The following PPP6C variants were observed in gnomAD, a reference collection of about 807,000 sequenced individuals.
PPP6C encodes the protein serine/threonine-protein phosphatase 6 catalytic subunit.
A neutral mutation model predicts 39.8 loss-of-function variants in PPP6C; 11 were observed. The ratio of observed to expected loss-of-function variants is 0.28; its 90% CI spans 0.17 to 0.46. The LOEUF (loss-of-function observed/expected upper bound fraction) is 0.46. PPP6C is among the 20% of genes least tolerant of loss of function. The pLI is 1.00. For missense variants in PPP6C, 211 were observed against 373.9 expected (o/e 0.56, Z 3.59); for synonymous variants, 129 against 130.3 (o/e 0.99, Z 0.07).
chr9:125,155,125 T>C (rs1006607482), intron 4 of PPP6C, among the ~76,000 whole-genome samples: 1 of 152,084 alleles, frequency 6.6e-6, no homozygotes, highest in Non-Finnish European at 1.5e-5. Context: ...AGGCTGGTCT[T>C]GAACTCCTGA....
intron 4 of PPP6C, among the ~76,000 whole-genome samples, chr9:125,155,941 A>T (rs1405361740): frequency 2.0e-5 from 3 of 151,696 alleles, no homozygotes; most frequent in African/African-American, 7.2e-5. Context: ...TATTAGCCAT[A>T]TATAACAATA....
chr9:125,185,058 G>C (rs1829497726), intron 1 of PPP6C, among the ~76,000 whole-genome samples: 2 of 149,970 alleles, frequency 1.3e-5, no homozygotes, highest in African/African-American at 4.9e-5. Flanking sequence ...TAGAACCCCT[G>C]CTCCCCAAAA....
chr9:125,185,515 G>C (rs1287211047), intron 1 of PPP6C, among the ~76,000 whole-genome samples: 3 of 151,788 alleles, frequency 2.0e-5, no homozygotes, highest in Non-Finnish European at 4.4e-5. Context: ...CCAACATGGT[G>C]AAACCCCATC....
At chr9:125,184,773 G>A (rs1829490670) in intron 1 of PPP6C, among the ~76,000 whole-genome samples, 1 of 151,902 alleles carries the variant, frequency 6.6e-6, no homozygotes, top group Admixed American at 6.6e-5. Flanking sequence ...AGAAGTTCGA[G>A]ACCAGCCTGG....
chr9:125,184,560 GAA>G (rs552139301), intron 1 of PPP6C, among the ~76,000 whole-genome samples: 3 of 115,128 alleles, frequency 2.6e-5, no homozygotes, highest in African/African-American at 3.3e-5. Flanking sequence ...CTACCTCAAA[GAA>G]AAAAAAAAAA....
chr9:125,156,739 AGCTC>A (rs200639283), intron 4 of PPP6C, among the ~76,000 whole-genome samples: 2,029 of 138,916 alleles, frequency 0.015, 36 homozygotes, highest in African/African-American at 0.05. Context: ...CTTCCTAATA[AGCTC>A]GCTCTCTCTC....
intron 1 of PPP6C, among the ~76,000 whole-genome samples, chr9:125,176,661 T>C (rs1432437005): frequency 1.3e-5 from 2 of 151,616 alleles, no homozygotes; most frequent in African/African-American, 4.9e-5. Flanking sequence ...TTTCTCAAAA[T>C]AACAAGAAAA....
intron 1 of PPP6C, among the ~76,000 whole-genome samples, chr9:125,180,744 G>T (rs1466638636): frequency 6.6e-6 from 1 of 152,118 alleles, no homozygotes; most frequent in Non-Finnish European, 1.5e-5. Context: ...CAATGTGCCA[G>T]AATTTTCGCT....
At chr9:125,177,800 C>A (rs1299407173) in intron 1 of PPP6C, among the ~76,000 whole-genome samples, 1 of 152,162 alleles carries the variant, frequency 6.6e-6, no homozygotes, top group African/African-American at 2.4e-5. Flanking sequence ...AATAGTTTCA[C>A]CTATTCAAAT....
At position 125,174,609 on chromosome 9, in the gene PPP6C, A is replaced by T. The variant is rs184438310; in HGVS notation, c.76-3429T>A. Among the ~76,000 whole-genome samples the T allele has an allele frequency of 1.4e-3, 218 of 151,764 alleles. 1 individual carries two copies. Among genetic ancestry groups the T allele is most frequent in the Non-Finnish European group, 2.5e-3 (172 of 67,868 alleles). On this transcript the variant is annotated intron_variant, in intron 1 of 6. Transcript: ENST00000373547. The stretch of plus-strand genomic sequence containing the variant: ...CCATATAGTACATCCATCACTCATT[A>T]AAAAAAATAACAAAAACAGGCCAGC...
chr9:125,150,650 C>G, intron 6 of PPP6C: 1 of 973,472 alleles, frequency 1.0e-6, no homozygotes, highest in Non-Finnish European at 1.5e-6. Flanking sequence ...TGGCCAGGAT[C>G]CTGAATATCA....
intron 2 of PPP6C, among the ~76,000 whole-genome samples, chr9:125,170,801 A>G (rs989027556): frequency 3.3e-5 from 5 of 152,040 alleles, no homozygotes; most frequent in African/African-American, 7.3e-5. Flanking sequence ...TTTGTACTTT[A>G]TATCTTCTAC....
chr9:125,155,072 T>C (rs371885083), intron 4 of PPP6C, among the ~76,000 whole-genome samples: 1 of 152,266 alleles, frequency 6.6e-6, no homozygotes, highest in South Asian at 2.1e-4. Context: ...CACACCTGGC[T>C]AATTTTATTT....
Position 125,189,713 on chromosome 9 carries a change from C to T in PPP6C, c.6G>A (p.Ala2=), listed in dbSNP as rs760540879. Residue 2 remains alanine, a synonymous_variant, in exon 1 of 7, where the codon GCG becomes GCA. Transcript: ENST00000373547. M[A]PLDLDKYVEI... is the part of the protein sequence containing the mutation. ...CCACATACTTGTCCAGGTCTAGCGGCGCCATTTTAAGAATAACAAGCCGCG... is the reference window on the plus strand; with the variant it reads ...CCACATACTTGTCCAGGTCTAGCGGTGCCATTTTAAGAATAACAAGCCGCG... 3 of 1,585,634 alleles carry T rather than the reference C, an allele frequency of 1.9e-6. No individual in the cohort carries two copies. Among genetic ancestry groups the T allele is most frequent in the Admixed American group, 1.9e-5 (1 of 53,448 alleles).
intron 1 of PPP6C, among the ~76,000 whole-genome samples, chr9:125,185,369 C>T (rs866388478): frequency 1.3e-5 from 2 of 151,730 alleles, no homozygotes; most frequent in African/African-American, 2.4e-5. Context: ...CTCAGCCTCC[C>T]GGCCCACATA....
intron 1 of PPP6C, among the ~76,000 whole-genome samples, chr9:125,178,521 C>A (rs770771179): frequency 6.6e-6 from 1 of 152,004 alleles, no homozygotes; most frequent in East Asian, 1.9e-4. Flanking sequence ...TACTAATATT[C>A]TTTAAGGGAC....
rs1343032066 is a variant in PPP6C, at chr9:125,149,448, AT to A, written c.*224del. 8 of 474,724 alleles carry A rather than the reference AT, an allele frequency of 1.7e-5. No homozygotes were observed. The highest frequency in any genetic ancestry group is 1.6e-4 in the African/African-American group (8 of 51,108). The allele number at this position is 474,724 out of a possible 1,614,324, so 29.4% of individuals were successfully genotyped here. ...TAAGACATTTCTCAAGTCTTCTCAAATGAGTCCAGGGTGGGGATGGGATGGG... is the reference window on the plus strand; with the variant it reads ...TAAGACATTTCTCAAGTCTTCTCAAAGAGTCCAGGGTGGGGATGGGATGGG... On this transcript the variant is annotated 3_prime_UTR_variant, in exon 7 of 7. Transcript: ENST00000373547.
chr9:125,151,057 G>C, intron 6 of PPP6C: 5 of 1,353,054 alleles, frequency 3.7e-6, no homozygotes, highest in Non-Finnish European at 5.3e-6. Flanking sequence ...GGGCTTTTTT[G>C]ATAACCCAGT....
chr9:125,165,524 C>G (rs987918918), intron 2 of PPP6C, among the ~76,000 whole-genome samples: 2 of 152,148 alleles, frequency 1.3e-5, no homozygotes. Flanking sequence ...TACATTTTCA[C>G]AAATCTCTTC....
Sources: allele counts gnomAD v4.1 joint callset (sites outside exome capture counted in the v4.1 genomes callset), GRCh38; gene constraint gnomAD v4.1.1; transcripts MANE v1.5; gene names NCBI Gene and HGNC (gene_info 2026-07-23, HGNC 2026-07-21).